Variants in SMYD3 observed in about 807,000 individuals in gnomAD.
SMYD3 encodes SET and MYND domain containing 3.
A neutral mutation model predicts 57.7 loss-of-function variants in SMYD3; 36 were observed. The observed-to-expected ratio is 0.62, with a 90% CI of 0.48 to 0.82. The LOEUF (loss-of-function observed/expected upper bound fraction) is 0.82. Among genes scored for constraint, SMYD3 ranks in the 40% least tolerant of loss-of-function variants. The pLI is 0.00. For missense variants in SMYD3, 515 were observed against 538.8 expected, an observed-to-expected ratio of 0.96 and a Z score of 0.44; for synonymous variants, 211 against 195.0, an observed-to-expected ratio of 1.08 and a Z score of -0.68.
intron 1 of SMYD3, among the ~76,000 whole-genome samples, chr1:246,470,397 G>C (rs1304978284): frequency 2.6e-5 from 4 of 151,776 alleles, no homozygotes; most frequent in Non-Finnish European, 4.4e-5. Context: ...TCAGGAGGCC[G>C]AGGCAGGAGA....
At chr1:245,823,088 G>A (rs2049267773) in intron 10 of SMYD3, among the ~76,000 whole-genome samples, 2 of 152,218 alleles carry the variant, frequency 1.3e-5, no homozygotes, top group South Asian at 2.1e-4. Flanking sequence ...TGACGAGGGA[G>A]TGCTCAGTTC....
chr1:246,040,576 G>A (rs2059852089), intron 5 of SMYD3, among the ~76,000 whole-genome samples: 1 of 152,182 alleles, frequency 6.6e-6, no homozygotes, highest in Non-Finnish European at 1.5e-5. Context: ...TTAGCCACGT[G>A]GGGATAAATC....
chr1:245,977,505 C>T (rs2058478281), intron 5 of SMYD3, among the ~76,000 whole-genome samples: 1 of 152,134 alleles, frequency 6.6e-6, no homozygotes, highest in Non-Finnish European at 1.5e-5. Flanking sequence ...ATGGTGAAAC[C>T]TCGTCTCTAC....
intron 5 of SMYD3, among the ~76,000 whole-genome samples, chr1:245,940,160 G>A (rs113317208): frequency 0.018 from 2,726 of 152,240 alleles, 75 homozygotes; most frequent in African/African-American, 0.052. Context: ...CTGGGGGGAG[G>A]GGCAGCTATG....
chr1:245,795,533 T>C (rs2047487068), intron 10 of SMYD3, among the ~76,000 whole-genome samples: 1 of 152,230 alleles, frequency 6.6e-6, no homozygotes, highest in South Asian at 2.1e-4. Flanking sequence ...TTCTCTTCTT[T>C]TTCAGATTCA....
intron 11 of SMYD3, among the ~76,000 whole-genome samples, chr1:245,754,392 G>A (rs1239534155): frequency 6.6e-6 from 1 of 152,010 alleles, no homozygotes; most frequent in Non-Finnish European, 1.5e-5. Context: ...ATGTATGCAT[G>A]ATAAGAACCC....
rs968753024 is a variant in SMYD3, at chr1:246,404,050, G to A, written c.165-48956C>T. 3.3e-5 allele frequency among the ~76,000 whole-genome samples: 5 copies of A among 152,194 alleles called. No homozygotes were observed. The East Asian group carries it at 5.8e-4, about 18-fold the overall frequency. ...ACCAACCTAGTGTTGCTCTAAGGCC[G>A]CTAACCTTTAAAATAAATAAAGCCA... On this transcript the variant is annotated intron_variant, in intron 1 of 11. Coordinates refer to ENST00000490107, the MANE Select transcript of SMYD3 (RefSeq NM_001167740.2).
intron 5 of SMYD3, among the ~76,000 whole-genome samples, chr1:246,074,286 T>G (rs912690193): frequency 6.6e-6 from 1 of 152,026 alleles, no homozygotes; most frequent in Admixed American, 6.5e-5. Context: ...TTGAGAATCC[T>G]TAGGCTAATT....
At chr1:245,972,469 C>T (rs550007175) in intron 5 of SMYD3, among the ~76,000 whole-genome samples, 1 of 152,318 alleles carries the variant, frequency 6.6e-6, no homozygotes, top group Admixed American at 6.5e-5. Flanking sequence ...AGTTAATTAA[C>T]CTCTCAAATT....
chr1:246,222,870 C>T (rs1259825693), intron 5 of SMYD3, among the ~76,000 whole-genome samples: 5 of 152,120 alleles, frequency 3.3e-5, no homozygotes, highest in African/African-American at 4.8e-5. Flanking sequence ...GTAATAATCA[C>T]GGTACATTTG....
intron 5 of SMYD3, among the ~76,000 whole-genome samples, chr1:246,092,920 C>T (rs2060846996): frequency 6.7e-6 from 1 of 149,486 alleles, no homozygotes. Flanking sequence ...CCACCAAAAG[C>T]AGGAAAAAAA....
At chr1:245,918,846 G>A (rs2055645577) in intron 7 of SMYD3, among the ~76,000 whole-genome samples, 1 of 152,166 alleles carries the variant, frequency 6.6e-6, no homozygotes, top group East Asian at 1.9e-4. Flanking sequence ...CCCATTATCA[G>A]AGCAGGTAAA....
chr1:246,391,711 A>C (rs2066575307), intron 1 of SMYD3, among the ~76,000 whole-genome samples: 2 of 152,200 alleles, frequency 1.3e-5, no homozygotes, highest in South Asian at 4.1e-4. Flanking sequence ...AACACATTTC[A>C]TAATGAAAAG....
intron 5 of SMYD3, among the ~76,000 whole-genome samples, chr1:246,040,149 C>T (rs1280179775): frequency 6.6e-6 from 1 of 152,180 alleles, no homozygotes; most frequent in Non-Finnish European, 1.5e-5. Context: ...TGTATTCTAA[C>T]ACGTGGTTTG....
At chr1:245,868,725 A>G (rs2052016606) in intron 8 of SMYD3, among the ~76,000 whole-genome samples, 1 of 152,162 alleles carries the variant, frequency 6.6e-6, no homozygotes. Flanking sequence ...ACTAATAGCT[A>G]TCACCTCCCT....
chr1:245,761,055 C>G lies in SMYD3; in HGVS notation c.1185+2986G>C, dbSNP rs150244014. 8.8e-3 allele frequency among the ~76,000 whole-genome samples: 1,334 copies of G among 152,312 alleles called. 6 individuals are homozygous for G. The highest frequency in any genetic ancestry group is 0.034 in the Middle Eastern group (10 of 294). ...CTGACTCTAAATCCTTGCACTCTTTCTACAACTCTGCCAGGAGTGCATGTT... is the reference window on the plus strand; with the variant it reads ...CTGACTCTAAATCCTTGCACTCTTTGTACAACTCTGCCAGGAGTGCATGTT... On this transcript the variant is annotated intron_variant, in intron 11 of 11. Coordinates refer to ENST00000490107, the MANE Select transcript of SMYD3 (RefSeq NM_001167740.2).
At chr1:246,278,317 T>C (rs57854551) in intron 5 of SMYD3, among the ~76,000 whole-genome samples, 3,566 of 152,152 alleles carry the variant, frequency 0.023, 139 homozygotes, top group African/African-American at 0.081. Flanking sequence ...CCTTGGGGTG[T>C]GCAGGCCTTT....
At chr1:246,026,124 A>T (rs1037892655) in intron 5 of SMYD3, 4 of 152,114 alleles carry the variant, frequency 2.6e-5, no homozygotes, top group African/African-American at 9.7e-5. Flanking sequence ...CCCATGTGAC[A>T]GAGTGAGTGA....
At chr1:246,255,971 T>TAGACAGAC (rs1330909110) in intron 5 of SMYD3, among the ~76,000 whole-genome samples, 32 of 139,272 alleles carry the variant, frequency 2.3e-4, no homozygotes, top group East Asian at 1.3e-3. Context: ...GATAGATAGA[T>TAGACAGAC]AGATAGATAG....
Sources: gnomAD v4.1 joint callset for allele counts (sites outside exome capture counted in the v4.1 genomes callset) on GRCh38, gnomAD v4.1.1 for gene constraint, MANE v1.5 for transcripts, NCBI Gene and HGNC (gene_info 2026-07-23, HGNC 2026-07-21) for gene names.